ADSS2: variants seen among roughly 807,000 people sequenced by gnomAD.
The protein encoded by ADSS2 is adenylosuccinate synthetase isozyme 2.
Under a neutral mutation model 60.0 loss-of-function variants are expected in ADSS2, and 30 were observed. The ratio of observed to expected loss-of-function variants is 0.50; its 90% CI spans 0.37 to 0.68. The LOEUF is 0.68. ADSS2 is among the 30% of genes least tolerant of loss of function. The pLI, the probability that ADSS2 is intolerant of heterozygous loss-of-function variation, is 0.00. For missense variants in ADSS2, 373 were observed against 554.8 expected (o/e 0.67, Z 3.29); for synonymous variants, 187 against 193.1 (o/e 0.97, Z 0.26).
At chr1:244,442,610 T>G (rs1362240071) in intron 1 of ADSS2, among the ~76,000 whole-genome samples, 11 of 152,184 alleles carry the variant, frequency 7.2e-5, no homozygotes, top group Non-Finnish European at 1.5e-4. Flanking sequence ...TCACTAGTGC[T>G]CTGTGAGGCA....
chr1:244,412,477 G>A (rs1322327179), intron 11 of ADSS2, among the ~76,000 whole-genome samples: 1 of 152,202 alleles, frequency 6.6e-6, no homozygotes, highest in African/African-American at 2.4e-5. Context: ...TGCCACTGGG[G>A]TACATAGAGT....
At chr1:244,409,804 C>T (rs1186924315) in intron 12 of ADSS2, among the ~76,000 whole-genome samples, 166 bp from the exon 13 acceptor site, 1 of 152,056 alleles carries the variant, frequency 6.6e-6, no homozygotes, top group African/African-American at 2.4e-5. Context: ...GATTTCTAAA[C>T]AGGATGTACA....
At chr1:244,437,267 G>C (rs1322320745) in intron 2 of ADSS2, among the ~76,000 whole-genome samples, 1 of 152,084 alleles carries the variant, frequency 6.6e-6, no homozygotes, top group Admixed American at 6.5e-5. Flanking sequence ...ATTAAAAGGA[G>C]AGTAGAAAAG....
At chr1:244,436,520 A>G (rs1189807154) in intron 3 of ADSS2, among the ~76,000 whole-genome samples, 10 of 152,226 alleles carry the variant, frequency 6.6e-5, no homozygotes, top group African/African-American at 2.4e-5. Context: ...CAAGACTGAC[A>G]GTGTGCAAAC....
intron 11 of ADSS2, among the ~76,000 whole-genome samples, chr1:244,414,242 C>G (rs931152635): frequency 6.6e-6 from 1 of 151,952 alleles, no homozygotes; most frequent in African/African-American, 2.4e-5. Context: ...GATCCACAAC[C>G]AAGCAAAAGA....
Position 244,411,365 on chromosome 1 carries a change from T to A in ADSS2, c.1240A>T (p.Asn414Tyr). Residue 414 changes from asparagine (N) to tyrosine (Y), a missense_variant, in exon 12 of 13, where the codon AAT becomes TAT. Asn to Tyr is a moderately radical substitution (Grantham distance 143). Around this residue, in one of 5 missense-constraint regions of ADSS2, gnomAD observed 130 missense variants for 169.4 expected, o/e 0.77. Coordinates refer to ENST00000366535, the MANE Select transcript of ADSS2 (RefSeq NM_001126.5). ...GGTAGTTCTTTAAACGCCCTTGCAT[T>A]TGATATGTCTGTGTTCCATCCTGGG... ...TLPGWNTDIS[N>Y]ARAFKELPVN... is the part of the protein sequence containing the mutation. 6.2e-7 allele frequency: 1 copy of A among 1,613,982 alleles called. No individual in the cohort carries two copies. The highest frequency in any genetic ancestry group is 2.2e-5 in the East Asian group (1 of 44,876).
intron 4 of ADSS2, among the ~76,000 whole-genome samples, chr1:244,426,435 T>C (rs1664804092): frequency 6.6e-6 from 1 of 152,126 alleles, no homozygotes; most frequent in Admixed American, 6.6e-5. Flanking sequence ...ATAATTACTT[T>C]CATAAGACTT....
chr1:244,443,443 A>G (rs1665298462), intron 1 of ADSS2, among the ~76,000 whole-genome samples: 1 of 152,248 alleles, frequency 6.6e-6, no homozygotes, highest in African/African-American at 2.4e-5. Flanking sequence ...TATATAAACA[A>G]AGGGCTGTGG....
intron 1 of ADSS2, among the ~76,000 whole-genome samples, chr1:244,439,762 A>G (rs867332727): frequency 6.6e-6 from 1 of 152,106 alleles, no homozygotes; most frequent in Admixed American, 6.5e-5. Flanking sequence ...TATCTTCCAA[A>G]TTTATTTAGG....
chr1:244,444,447 G>A lies in ADSS2; in HGVS notation c.184-6679C>T, dbSNP rs1282191854. ...GGAGAATGGCGTGAACCCGGGAGGC[G>A]GAGCTTGCAGTGAGCCGAGATCCCG... On this transcript the variant is annotated intron_variant, in intron 1 of 12. Coordinates refer to ENST00000366535, the MANE Select transcript of ADSS2 (RefSeq NM_001126.5). Among the ~76,000 whole-genome samples, 18 of 138,134 alleles carry A rather than the reference G, an allele frequency of 1.3e-4. No homozygotes were observed. In the East Asian group the frequency reaches 3.4e-3, roughly 26 times the overall value. The allele number at this position is 138,134 out of a possible 152,430, so 90.6% of individuals were successfully genotyped here. A position where few individuals can be genotyped will look rare whatever the true frequency, so the allele number is the denominator to read the frequency against.
chr1:244,419,465 T>A (rs1204981837), intron 8 of ADSS2, among the ~76,000 whole-genome samples: 1 of 152,216 alleles, frequency 6.6e-6, no homozygotes, highest in Non-Finnish European at 1.5e-5. Context: ...CTCTACCAAG[T>A]AGACACTCTG....
chr1:244,440,012 G>A (rs1665197755), intron 1 of ADSS2, among the ~76,000 whole-genome samples: 1 of 152,180 alleles, frequency 6.6e-6, no homozygotes, highest in African/African-American at 2.4e-5. Context: ...AGCGCCCCAT[G>A]GCTGCTGGGG....
intron 1 of ADSS2, among the ~76,000 whole-genome samples, chr1:244,440,480 T>C (rs989901933): frequency 6.6e-6 from 1 of 152,132 alleles, no homozygotes; most frequent in African/African-American, 2.4e-5. Flanking sequence ...AGACACACTT[T>C]GGAAAGGCAC....
chr1:244,426,511 G>A (rs767238695), intron 4 of ADSS2, among the ~76,000 whole-genome samples: 2 of 151,952 alleles, frequency 1.3e-5, no homozygotes, highest in Admixed American at 6.6e-5. Flanking sequence ...TGGAATATCT[G>A]TTTCACTTTC....
intron 12 of ADSS2, among the ~76,000 whole-genome samples, chr1:244,411,059 A>G (rs1487847516): frequency 4.6e-5 from 7 of 152,096 alleles, no homozygotes; most frequent in Non-Finnish European, 1.0e-4. Flanking sequence ...GTCTCTTACT[A>G]AAAATACAAA....
At chr1:244,444,451 C>T (rs1350986201) in intron 1 of ADSS2, among the ~76,000 whole-genome samples, 2 of 131,976 alleles carry the variant, frequency 1.5e-5, no homozygotes, top group African/African-American at 5.7e-5. Context: ...GGAGGCGGAG[C>T]TTGCAGTGAG....
chr1:244,445,465 T>C (rs1261447895), intron 1 of ADSS2, among the ~76,000 whole-genome samples: 1 of 152,204 alleles, frequency 6.6e-6, no homozygotes, highest in East Asian at 1.9e-4. Flanking sequence ...TTTCCATGCA[T>C]TCCTTTTCTT....
chr1:244,431,982 G>A (rs1001467911), intron 4 of ADSS2, among the ~76,000 whole-genome samples: 3 of 152,180 alleles, frequency 2.0e-5, no homozygotes, highest in Admixed American at 2.0e-4. Context: ...TCACAGAGAA[G>A]TTTCCTACGT....
intron 1 of ADSS2, among the ~76,000 whole-genome samples, chr1:244,446,778 G>A (rs1260960207): frequency 2.0e-5 from 3 of 152,078 alleles, no homozygotes; most frequent in Admixed American, 1.3e-4. Flanking sequence ...ATAAACCAAC[G>A]ATGTCACACA....
Sources: allele counts gnomAD v4.1 joint callset (sites outside exome capture counted in the v4.1 genomes callset), GRCh38; gene constraint gnomAD v4.1.1; regional missense constraint gnomAD v4.1.1; transcripts MANE v1.5; gene names NCBI Gene and HGNC (gene_info 2026-07-23, HGNC 2026-07-21).